ANO6: variants seen among roughly 807,000 people sequenced by gnomAD.
ANO6 encodes anoctamin 6, also known as anoctamin-6.
ANO6 carries 106 observed loss-of-function variants against 117.5 expected under a neutral mutation model. The observed-to-expected ratio is 0.90, with a 90% CI of 0.77 to 1.06. ANO6 has a LOEUF of 1.06. Ranked by LOEUF, ANO6 falls within the 50% of genes least tolerant of loss-of-function variation. The probability of loss-of-function intolerance (pLI) is 0.00; values close to 1 mark genes in which losing one functional copy is unlikely to be tolerated. For missense variants in ANO6, 955 were observed against 1,121.1 expected (o/e 0.85, Z 2.12); for synonymous variants, 367 against 385.1 (o/e 0.95, Z 0.55).
At chr12:45,252,491 G>T (rs11182942) in intron 1 of ANO6, among the ~76,000 whole-genome samples, 8,631 of 152,066 alleles carry the variant, frequency 0.057, 472 homozygotes, top group East Asian at 0.29. Context: ...GGGTTTTTTT[G>T]TTGTTGTTGT....
At chr12:45,321,695 A>G (rs575602916) in intron 2 of ANO6, among the ~76,000 whole-genome samples, 7 of 152,248 alleles carry the variant, frequency 4.6e-5, no homozygotes, top group African/African-American at 9.6e-5. Context: ...CTGTGTAACC[A>G]AGTTTTGTGT....
chr12:45,401,289 T>C (rs1241118368), intron 12 of ANO6, among the ~76,000 whole-genome samples: 2 of 152,210 alleles, frequency 1.3e-5, no homozygotes, highest in Non-Finnish European at 2.9e-5. Flanking sequence ...GTGATAGCTT[T>C]TCTGTTGCAA....
At chr12:45,318,468 G>C (rs1016469675) in intron 2 of ANO6, among the ~76,000 whole-genome samples, 1 of 152,122 alleles carries the variant, frequency 6.6e-6, no homozygotes, top group Non-Finnish European at 1.5e-5. Flanking sequence ...GCTCTGTTCT[G>C]TTCCATTGGT....
At position 45,247,563 on chromosome 12, in the gene ANO6, A is replaced by C. The variant is rs908628138; in HGVS notation, c.70+31172A>C. Among the ~76,000 whole-genome samples the C allele has an allele frequency of 2.0e-5, 3 of 152,336 alleles. No homozygotes were observed. In the East Asian group the frequency reaches 5.8e-4, roughly 29 times the overall value. ...CTTAGTCGGCTAGGTCTGCCATAACAATGTACCACAGTCTCTACAGCTTAA... is the reference window on the plus strand; with the variant it reads ...CTTAGTCGGCTAGGTCTGCCATAACCATGTACCACAGTCTCTACAGCTTAA... On this transcript the variant is annotated intron_variant, in intron 1 of 19. Transcript: ENST00000320560.
intron 2 of ANO6, among the ~76,000 whole-genome samples, chr12:45,319,325 A>G (rs1940171454): frequency 6.6e-6 from 1 of 152,220 alleles, no homozygotes; most frequent in Admixed American, 6.5e-5. Context: ...TTTAGCATGA[A>G]GAGCTGTTGA....
chr12:45,273,135 C>A (rs536487309), intron 1 of ANO6, among the ~76,000 whole-genome samples: 2 of 150,546 alleles, frequency 1.3e-5, no homozygotes, highest in Non-Finnish European at 3.0e-5. Flanking sequence ...ACAGTGATTG[C>A]CGGGGGGCTG....
Position 45,429,463 on chromosome 12 carries a change from G to A in ANO6, c.*152G>A. On this transcript the variant is annotated 3_prime_UTR_variant, in exon 20 of 20. Coordinates refer to ENST00000320560, the MANE Select transcript of ANO6 (RefSeq NM_001025356.3). ...ATGTATTATTTTTCAGTTTCAGCTAGCGATGCAGAAACTGGAAAATGTAAA... is the reference window on the plus strand; with the variant it reads ...ATGTATTATTTTTCAGTTTCAGCTAACGATGCAGAAACTGGAAAATGTAAA... The A allele has an allele frequency of 6.8e-7, 1 of 1,467,914 alleles. No homozygotes were observed. The highest frequency in any genetic ancestry group is 9.0e-7 in the Non-Finnish European group (1 of 1,116,366). The allele number at this position is 1,467,914 out of a possible 1,614,324, so 90.9% of individuals were successfully genotyped here. A position where few individuals can be genotyped will look rare whatever the true frequency, so the allele number is the denominator to read the frequency against.
intron 16 of ANO6, 58 bp downstream of exon 16, chr12:45,409,545 C>T (rs988974874): frequency 2.9e-5 from 46 of 1,563,826 alleles, no homozygotes; most frequent in Admixed American, 2.8e-4. Flanking sequence ...GTTGTGGATA[C>T]CAAAAGCATC....
chr12:45,368,931 C>CTA (rs1268769543), intron 9 of ANO6, among the ~76,000 whole-genome samples: 2 of 152,220 alleles, frequency 1.3e-5, no homozygotes, highest in Non-Finnish European at 2.9e-5. Flanking sequence ...AAAATACTGG[C>CTA]TATCTGGGAG....
rs764959502 is a variant in ANO6, at chr12:45,388,160, G to T, written c.1166-1G>T. 5 of 1,613,708 alleles carry T rather than the reference G, an allele frequency of 3.1e-6. No individual in the cohort carries two copies. The African/African-American group carries it at 6.7e-5, about 22-fold the overall frequency. Reference sequence around the variant, plus strand: ...CACAAGCTCTTCTGTCTCTCTGTTAGTTACCTTGTTTTTGGAGTTTTGGAA... The same window carrying T: ...CACAAGCTCTTCTGTCTCTCTGTTATTTACCTTGTTTTTGGAGTTTTGGAA... On this transcript the variant is annotated splice_acceptor_variant, in intron 10 of 19. Coordinates refer to ENST00000320560, the MANE Select transcript of ANO6 (RefSeq NM_001025356.3). LOFTEE classifies it high-confidence loss of function.
chr12:45,282,631 G>C (rs537105031), intron 1 of ANO6, among the ~76,000 whole-genome samples: 1 of 152,216 alleles, frequency 6.6e-6, no homozygotes. Flanking sequence ...TGGTAGAGGA[G>C]TGCCAGCGTA....
intron 10 of ANO6, among the ~76,000 whole-genome samples, chr12:45,378,850 T>C (rs1364120640): frequency 6.6e-6 from 1 of 152,202 alleles, no homozygotes. Flanking sequence ...AGCGGATATT[T>C]AATGAGTATC....
At position 45,421,167 on chromosome 12, in the gene ANO6, A is replaced by G; in HGVS notation, c.2314A>G (p.Met772Val). The G allele has an allele frequency of 1.2e-6, 2 of 1,614,080 alleles. No homozygotes were observed. Among genetic ancestry groups the G allele is most frequent in the Non-Finnish European group, 1.7e-6 (2 of 1,179,940 alleles). Residue 772 changes from methionine (M) to valine (V), a missense_variant, in exon 18 of 20, where the codon ATG becomes GTG. Met to Val is a conservative substitution (Grantham distance 21, BLOSUM62 1). Coordinates refer to ENST00000320560, the MANE Select transcript of ANO6 (RefSeq NM_001025356.3). ...CTACGGGGACCACACTTCCTACACC[A>G]TGGAAGGGTACATCAACAACACTCT... is the stretch of plus-strand genomic sequence containing the variant. ...PPYGDHTSYT[M>V]EGYINNTLSI...
intron 1 of ANO6, among the ~76,000 whole-genome samples, chr12:45,297,124 C>T (rs1939320437): frequency 6.6e-6 from 1 of 152,186 alleles, no homozygotes; most frequent in Non-Finnish European, 1.5e-5. Flanking sequence ...TCAGTCCCCT[C>T]AGTCTATACC....
At chr12:45,424,296 A>G (rs1209062320) in intron 19 of ANO6, among the ~76,000 whole-genome samples, 1 of 148,746 alleles carries the variant, frequency 6.7e-6, no homozygotes, top group African/African-American at 2.5e-5. Flanking sequence ...AGGGAAGAGA[A>G]TCTACAGAGA....
intron 1 of ANO6, chr12:45,270,415 C>G: frequency 6.6e-7 from 1 of 1,514,726 alleles, no homozygotes; most frequent in Non-Finnish European, 8.8e-7. Context: ...CTAACACCAT[C>G]CCTTATATTG....
downstream of ANO6, among the ~76,000 whole-genome samples, chr12:45,436,599 A>G (rs1212492412): frequency 6.6e-6 from 1 of 152,246 alleles, no homozygotes; most frequent in Non-Finnish European, 1.5e-5. Flanking sequence ...AAATGGTCGT[A>G]TTAAAACAAA....
intron 16 of ANO6, among the ~76,000 whole-genome samples, chr12:45,415,325 T>C (rs2137678745): frequency 1.3e-5 from 2 of 152,364 alleles, no homozygotes; most frequent in Middle Eastern, 6.8e-3. Flanking sequence ...TTTTCTCTTT[T>C]GGATTTTTAA....
At position 45,403,084 on chromosome 12, in the gene ANO6, C is replaced by G. The variant is rs1942836613; in HGVS notation, c.1625C>G (p.Thr542Ser). Reference sequence around the variant, plus strand: ...CTTTTAACTACAGAACTCCCAAGGACCCAGACTGATTATGAGAACAGCCTC... The same window carrying G: ...CTTTTAACTACAGAACTCCCAAGGAGCCAGACTGATTATGAGAACAGCCTC... ...IMITNFELPR[T>S]QTDYENSLTM... The change falls in exon 14 of 20, where the codon ACC (threonine) becomes AGC (serine). Residue 542 changes from threonine (T) to serine (S), a missense_variant. Thr to Ser is a moderately conservative substitution (Grantham distance 58, BLOSUM62 1). Coordinates refer to ENST00000320560, the MANE Select transcript of ANO6 (RefSeq NM_001025356.3). 1.2e-6 allele frequency: 2 copies of G among 1,613,898 alleles called. No homozygotes were observed. Among genetic ancestry groups the G allele is most frequent in the Middle Eastern group, 1.7e-4 (1 of 6,058 alleles).
Sources: allele counts gnomAD v4.1 joint callset (sites outside exome capture counted in the v4.1 genomes callset), GRCh38; gene constraint gnomAD v4.1.1; transcripts MANE v1.5; gene names NCBI Gene and HGNC (gene_info 2026-07-23, HGNC 2026-07-21).